The following NCS1 variants were observed in gnomAD, a reference collection of about 807,000 sequenced individuals.
NCS1 encodes the protein frequenin homolog.
NCS1 carries 6 observed loss-of-function variants against 28.4 expected under a neutral mutation model. That is an observed-to-expected ratio of 0.21 (90% CI 0.12 to 0.42). The LOEUF is 0.42. Among genes scored for constraint, NCS1 ranks in the 10% least tolerant of loss-of-function variants. The pLI, the probability that NCS1 is intolerant of heterozygous loss-of-function variation, is 1.00. For synonymous variants in NCS1, 86 were observed against 99.3 expected, an observed-to-expected ratio of 0.87 and a Z score of 0.79; for missense variants, 131 against 241.4, an observed-to-expected ratio of 0.54 and a Z score of 3.03.
intron 2 of NCS1, among the ~76,000 whole-genome samples, chr9:130,204,314 G>GGTGTT (rs1564708736): frequency 2.6e-5 from 4 of 151,818 alleles, no homozygotes. Context: ...TCAGAGACAG[G>GGTGTT]GTGTTGCCCT....
At chr9:130,230,715 A>AC (rs1465333647) in intron 7 of NCS1, among the ~76,000 whole-genome samples, 1 of 151,824 alleles carries the variant, frequency 6.6e-6, no homozygotes, top group African/African-American at 2.4e-5. Context: ...TCTCTTTAAA[A>AC]AAAAAAAAAA....
rs1400238143 is a variant in NCS1, at chr9:130,233,718, T to C, written c.*746T>C. 6.6e-6 allele frequency: 1 copy of C among 152,512 alleles called. No homozygotes were observed. The highest frequency in any genetic ancestry group is 1.5e-5 in the Non-Finnish European group (1 of 68,024). The allele number at this position is 152,512 out of a possible 1,614,324, so 9.4% of individuals were successfully genotyped here. ...CTCCCAGGGCTGCGGGCCCACCGTTTACATGTGCACGCCCTGACCCACCTG... is the reference window on the plus strand; with the variant it reads ...CTCCCAGGGCTGCGGGCCCACCGTTCACATGTGCACGCCCTGACCCACCTG... On this transcript the variant is annotated 3_prime_UTR_variant, in exon 8 of 8. Coordinates refer to ENST00000372398, the MANE Select transcript of NCS1 (RefSeq NM_014286.4). This position sits in a 1 kb window ranked among gnomAD's most constrained non-coding sequence, Gnocchi z 4.8.
At chr9:130,176,631 C>T (rs1344538679) in intron 1 of NCS1, among the ~76,000 whole-genome samples, 1 of 152,210 alleles carries the variant, frequency 6.6e-6, no homozygotes, top group East Asian at 1.9e-4. Context: ...CAGAAGGTGA[C>T]ATCTATGACT....
At chr9:130,202,359 CTGAAACCCCCCA>C (rs1832962397) in intron 2 of NCS1, among the ~76,000 whole-genome samples, 2 of 140,546 alleles carry the variant, frequency 1.4e-5, no homozygotes, top group Admixed American at 1.4e-4. Flanking sequence ...CCCCCACCCC[CTGAAACCCCCCA>C]GGCCTCTGTC....
At chr9:130,188,579 TA>T (rs1554905899) in intron 1 of NCS1, among the ~76,000 whole-genome samples, 1 of 151,822 alleles carries the variant, frequency 6.6e-6, no homozygotes, top group Non-Finnish European at 1.5e-5. Context: ...GACCTAATTT[TA>T]TATTTTTAGT....
chr9:130,172,594 G>C lies in NCS1; in HGVS notation c.-70G>C, dbSNP rs1588104175. 1.1e-6 allele frequency: 1 copy of C among 885,026 alleles called. No individual in the cohort carries two copies. The highest frequency in any genetic ancestry group is 4.2e-5 in the South Asian group (1 of 23,718). 54.8% of individuals were successfully genotyped at this position (885,026 alleles called of 1,614,324 possible). ...GGCGCGGCCCCGGCCCGGCCCGCCC[G>C]GCCCAGCCGCTCCTGCTGGGCGCCC... is the stretch of plus-strand genomic sequence containing the variant. On this transcript the variant is annotated 5_prime_UTR_variant, in exon 1 of 8. Transcript: ENST00000372398.
chr9:130,236,181 C>G lies in NCS1; in HGVS notation c.*3209C>G, dbSNP rs1477043217. On this transcript the variant is annotated 3_prime_UTR_variant, in exon 8 of 8. Coordinates refer to ENST00000372398, the MANE Select transcript of NCS1 (RefSeq NM_014286.4). Reference sequence around the variant, plus strand: ...TTTCGGAGGGGGTTGGTGGGGAGGTCGGGATGCCTGGGATCCCTTCCTGGA... The same window carrying G: ...TTTCGGAGGGGGTTGGTGGGGAGGTGGGGATGCCTGGGATCCCTTCCTGGA... 6.6e-6 allele frequency: 1 copy of G among 152,156 alleles called. No homozygotes were observed. The highest frequency in any genetic ancestry group is 2.4e-5 in the African/African-American group (1 of 41,436). 9.4% of individuals were successfully genotyped at this position (152,156 alleles called of 1,614,324 possible).
intron 6 of NCS1, among the ~76,000 whole-genome samples, chr9:130,225,681 C>G (rs1416760287): frequency 6.6e-6 from 1 of 152,246 alleles, no homozygotes; most frequent in East Asian, 1.9e-4. Flanking sequence ...GTTCCATACA[C>G]TGAGGGTTGC....
intron 2 of NCS1, among the ~76,000 whole-genome samples, chr9:130,206,337 AG>A (rs1833023551): frequency 6.6e-6 from 1 of 151,678 alleles, no homozygotes; most frequent in Non-Finnish European, 1.5e-5. Context: ...GCCCATTTTC[AG>A]AGGGCCCTTT....
At position 130,191,394 on chromosome 9, in the gene NCS1, C is replaced by T. The variant is rs782272630; in HGVS notation, c.65-9564C>T. ...TCCATCTACTCGCCATTCCTGAAGA[C>T]AGGCTGGGAGATCCCCCAACAGGTG... On this transcript the variant is annotated intron_variant, in intron 1 of 7. Transcript: ENST00000372398. This position sits in a 1 kb window ranked among gnomAD's most constrained non-coding sequence, Gnocchi z 6.4. 6.6e-6 allele frequency among the ~76,000 whole-genome samples: 1 copy of T among 152,202 alleles called. No individual in the cohort carries two copies. Among genetic ancestry groups the T allele is most frequent in the Non-Finnish European group, 1.5e-5 (1 of 68,038 alleles).
At chr9:130,228,663 C>T in intron 7 of NCS1, among the ~76,000 whole-genome samples, 2 of 149,444 alleles carry the variant, frequency 1.3e-5, no homozygotes, top group African/African-American at 2.5e-5. Context: ...TTTTTTCTTT[C>T]TTTCTTTCTT....
intron 1 of NCS1, among the ~76,000 whole-genome samples, chr9:130,190,032 A>AAGAGAG (rs34529294): frequency 0.011 from 1,367 of 120,444 alleles, 17 homozygotes; most frequent in East Asian, 0.055. Flanking sequence ...ATGTTTATGC[A>AAGAGAG]AGAGAGAGAG....
At chr9:130,221,816 TAA>T in intron 4 of NCS1, among the ~76,000 whole-genome samples, 1 of 121,422 alleles carries the variant, frequency 8.2e-6, no homozygotes, top group South Asian at 2.5e-4. Flanking sequence ...TACATAAATA[TAA>T]ATTATGTATA....
In NCS1 at chr9:130,216,876, A is replaced by G. The variant is rs1013691525; in HGVS notation, c.90-956A>G. 2.2e-5 allele frequency among the ~76,000 whole-genome samples: 3 copies of G among 136,570 alleles called. No homozygotes were observed. In the South Asian group the frequency reaches 8.1e-4, roughly 37 times the overall value. The allele number at this position is 136,570 out of a possible 152,430, so 89.6% of individuals were successfully genotyped here. On this transcript the variant is annotated intron_variant, in intron 2 of 7. Transcript: ENST00000372398. ...TCTCTCTCTGGCTTCCCGATGTGGA[A>G]GGAATCGTCCTCTGAGGAGTGCGTG...
intron 7 of NCS1, among the ~76,000 whole-genome samples, chr9:130,231,327 G>C (rs1449473360): frequency 6.6e-6 from 1 of 151,288 alleles, no homozygotes; most frequent in African/African-American, 2.4e-5. Flanking sequence ...ACTCCAGCCT[G>C]GGTGATAAAG....
intron 6 of NCS1, among the ~76,000 whole-genome samples, chr9:130,224,610 GT>G (rs1257546733): frequency 6.6e-6 from 1 of 151,610 alleles, no homozygotes; most frequent in East Asian, 1.9e-4. Context: ...CTACTTGAGG[GT>G]GGAGGGTGAG....
At chr9:130,183,810 T>C (rs1158674000) in intron 1 of NCS1, among the ~76,000 whole-genome samples, 1 of 151,422 alleles carries the variant, frequency 6.6e-6, no homozygotes, top group Non-Finnish European at 1.5e-5. Context: ...TTCTTTTCTT[T>C]TCTTTCTTTT....
chr9:130,220,419 AAGG>A (rs1253124961), intron 4 of NCS1, among the ~76,000 whole-genome samples: 1 of 152,104 alleles, frequency 6.6e-6, no homozygotes, highest in Non-Finnish European at 1.5e-5. Flanking sequence ...AACTGCAGGC[AAGG>A]AGGAGAGAGG....
At chr9:130,203,228 C>T (rs1554907674) in intron 2 of NCS1, among the ~76,000 whole-genome samples, 1 of 151,588 alleles carries the variant, frequency 6.6e-6, no homozygotes. Context: ...ACAGTGATTC[C>T]CCTGCCTCAG....
Sources: allele counts gnomAD v4.1 joint callset (sites outside exome capture counted in the v4.1 genomes callset), GRCh38; gene constraint gnomAD v4.1.1; non-coding constraint Gnocchi (gnomAD v3.1); transcripts MANE v1.5; gene names NCBI Gene and HGNC (gene_info 2026-07-23, HGNC 2026-07-21).